The following MGAT4C variants were observed in gnomAD, a reference collection of about 807,000 sequenced individuals.
MGAT4C encodes the protein alpha-1,3-mannosyl-glycoprotein 4-beta-N-acetylglucosaminyltransferase C.
Under a neutral mutation model 40.1 loss-of-function variants are expected in MGAT4C, and 19 were observed. The observed-to-expected ratio is 0.47, with a 90% CI of 0.33 to 0.70. MGAT4C has a LOEUF of 0.70. Ranked by LOEUF, MGAT4C falls within the 30% of genes least tolerant of loss-of-function variation. The probability of loss-of-function intolerance (pLI) is 0.02; values close to 1 mark genes in which losing one functional copy is unlikely to be tolerated. For missense variants in MGAT4C, 491 were observed against 563.2 expected (o/e 0.87, Z 1.30); for synonymous variants, 181 against 187.1 (o/e 0.97, Z 0.27).
At chr12:86,823,698 T>TA (rs1028778898) in intron 1 of MGAT4C, among the ~76,000 whole-genome samples, 6 of 150,166 alleles carry the variant, frequency 4.0e-5, no homozygotes, top group African/African-American at 1.5e-4. Context: ...AAATGAGACA[T>TA]AAAAAAAGAG....
At chr12:86,134,410 A>C (rs1881662235) in intron 1 of MGAT4C, among the ~76,000 whole-genome samples, 1 of 152,096 alleles carries the variant, frequency 6.6e-6, no homozygotes. Flanking sequence ...CATTATAAAA[A>C]GGTTTGTTTG....
chr12:86,130,094 T>G (rs1880956458), intron 1 of MGAT4C, among the ~76,000 whole-genome samples: 1 of 152,230 alleles, frequency 6.6e-6, no homozygotes, highest in Non-Finnish European at 1.5e-5. Flanking sequence ...TTATGTTCCC[T>G]GAAAAGCAGA....
intron 2 of MGAT4C, among the ~76,000 whole-genome samples, chr12:86,603,211 A>T (rs1177553598): frequency 6.9e-6 from 1 of 144,804 alleles, no homozygotes; most frequent in African/African-American, 2.5e-5. Flanking sequence ...GAATAATACT[A>T]TATAGTATAA....
rs992714579 is a variant in MGAT4C, at chr12:86,178,038, A to G, written c.-57+78201T>C. ...TGCAAGCTCCGCCTCCTGGGTTCAC[A>G]CCATTCTCGTGCCTCAGCCTCCCGA... On this transcript the variant is annotated intron_variant, in intron 1 of 4. Coordinates refer to ENST00000611864, the MANE Select transcript of MGAT4C (RefSeq NM_001351288.2). 2.6e-5 allele frequency among the ~76,000 whole-genome samples: 4 copies of G among 152,128 alleles called. No homozygotes were observed. The East Asian group carries it at 5.8e-4, about 22-fold the overall frequency.
At chr12:86,455,659 A>G (rs181392968) in intron 2 of MGAT4C, among the ~76,000 whole-genome samples, 1 of 152,270 alleles carries the variant, frequency 6.6e-6, no homozygotes, top group East Asian at 1.9e-4. Context: ...TATGTGTTCA[A>G]ATAAAGTTAC....
chr12:86,619,779 A>G (rs1337241080), intron 2 of MGAT4C, among the ~76,000 whole-genome samples: 1 of 152,146 alleles, frequency 6.6e-6, no homozygotes, highest in Non-Finnish European at 1.5e-5. Context: ...CATCAACATT[A>G]TAGCATATAC....
chr12:86,526,488 C>A (rs1465171395), intron 2 of MGAT4C, among the ~76,000 whole-genome samples: 2 of 152,108 alleles, frequency 1.3e-5, no homozygotes, highest in Non-Finnish European at 2.9e-5. Flanking sequence ...GGCTGCCCTG[C>A]TGGAGCTCTC....
At chr12:86,065,234 C>CAACATGGCAGAGACACAACAACCT (rs1894420975) in intron 1 of MGAT4C, among the ~76,000 whole-genome samples, 1 of 152,130 alleles carries the variant, frequency 6.6e-6, no homozygotes, top group Non-Finnish European at 1.5e-5. Context: ...ATCCTAATAC[C>CAACATGGCAGAGACACAACAACCT]AAAACATGGC....
At chr12:86,358,180 T>A (rs1198348617) in intron 3 of MGAT4C, among the ~76,000 whole-genome samples, 1 of 152,148 alleles carries the variant, frequency 6.6e-6, no homozygotes, top group Non-Finnish European at 1.5e-5. Context: ...ATATACAACA[T>A]TCTTAAAGAA....
chr12:86,050,530 A>T lies in MGAT4C; in HGVS notation c.-56-807T>A, dbSNP rs185516101. Among the ~76,000 whole-genome samples, 13 of 152,162 alleles carry T rather than the reference A, an allele frequency of 8.5e-5. No individual in the cohort carries two copies. The East Asian group carries it at 2.5e-3, about 29-fold the overall frequency. On this transcript the variant is annotated intron_variant, in intron 1 of 4. Transcript: ENST00000611864. The stretch of plus-strand genomic sequence containing the variant: ...TACTTTGGGCTATTTAAGTAACTCT[A>T]AGTAGAACCAATTATGTTGTTTTTC...
At chr12:86,708,454 G>A (rs1198428211) in intron 2 of MGAT4C, among the ~76,000 whole-genome samples, 1 of 152,324 alleles carries the variant, frequency 6.6e-6, no homozygotes, top group Non-Finnish European at 1.5e-5. Context: ...GGAAATGTGG[G>A]GTTGGAGCTC....
At chr12:85,984,381 T>A (rs1338707564) in intron 3 of MGAT4C, among the ~76,000 whole-genome samples, 1 of 152,084 alleles carries the variant, frequency 6.6e-6, no homozygotes, top group Non-Finnish European at 1.5e-5. Flanking sequence ...TAAGTTTGTG[T>A]GTGTGTGTGT....
At chr12:86,118,150 G>T (rs1253878961) in intron 1 of MGAT4C, among the ~76,000 whole-genome samples, 1 of 152,136 alleles carries the variant, frequency 6.6e-6, no homozygotes, top group Non-Finnish European at 1.5e-5. Context: ...TTCCCAAGGG[G>T]ATCGAATGCC....
At chr12:86,596,477 G>A (rs1014989189) in intron 2 of MGAT4C, among the ~76,000 whole-genome samples, 1 of 152,192 alleles carries the variant, frequency 6.6e-6, no homozygotes, top group African/African-American at 2.4e-5. Context: ...CTCCAAAAAA[G>A]ATGGGCTCAC....
intron 1 of MGAT4C, among the ~76,000 whole-genome samples, chr12:86,155,910 C>T (rs1884876434): frequency 6.6e-6 from 1 of 152,108 alleles, no homozygotes; most frequent in Non-Finnish European, 1.5e-5. Flanking sequence ...GGGATGGAGG[C>T]TAACTTACAC....
At chr12:86,824,720 C>T (rs1225765389) in intron 1 of MGAT4C, among the ~76,000 whole-genome samples, 1 of 125,326 alleles carries the variant, frequency 8.0e-6, no homozygotes, top group African/African-American at 3.0e-5. Flanking sequence ...TCAGAAAATG[C>T]TTTAGACAGC....
chr12:86,466,161 A>T (rs1291527913), intron 2 of MGAT4C, among the ~76,000 whole-genome samples: 1 of 151,980 alleles, frequency 6.6e-6, no homozygotes, highest in Non-Finnish European at 1.5e-5. Context: ...GTGAGCAGAG[A>T]TAGCGCCATT....
rs59317687 is a variant in MGAT4C, at chr12:86,603,094, G to A, written c.-229+124115C>T. Among the ~76,000 whole-genome samples the A allele has an allele frequency of 3.2e-3, 487 of 151,340 alleles. 2 individuals are homozygous for A. Among genetic ancestry groups the A allele is most frequent in the African/African-American group, 0.012 (474 of 41,182 alleles). On this transcript the variant is annotated intron_variant, in intron 2 of 7. Coordinates refer to the MGAT4C transcript ENST00000548651. ...CACAGAAGCAGACAGTAGGATGGTG[G>A]TTTCCAGGATATGAGAGAAATTGGG... is the stretch of plus-strand genomic sequence containing the variant.
chr12:86,045,627 A>T (rs994902917), intron 2 of MGAT4C, among the ~76,000 whole-genome samples: 2 of 152,198 alleles, frequency 1.3e-5, no homozygotes, highest in Non-Finnish European at 1.5e-5. Context: ...ATGTTATTAA[A>T]TTTTTACTTA....
Sources: allele counts gnomAD v4.1 joint callset (sites outside exome capture counted in the v4.1 genomes callset), GRCh38; gene constraint gnomAD v4.1.1; transcripts MANE v1.5; gene names NCBI Gene and HGNC (gene_info 2026-07-23, HGNC 2026-07-21).